The following ZNF532 variants were observed in gnomAD, a reference collection of about 807,000 sequenced individuals.
The protein encoded by ZNF532 is zinc finger protein 532.
Under a neutral mutation model 89.3 loss-of-function variants are expected in ZNF532, and 22 were observed. That is an observed-to-expected ratio of 0.25 (90% CI 0.18 to 0.35). The LOEUF is 0.35. Ranked by LOEUF, ZNF532 falls within the 10% of genes least tolerant of loss-of-function variation. The pLI is 1.00. For missense variants in ZNF532, 1,132 were observed against 1,643.4 expected (o/e 0.69, Z 5.38); for synonymous variants, 606 against 649.6 (o/e 0.93, Z 1.02).
chr18:58,971,439 C>T (rs749137964), intron 7 of ZNF532, among the ~76,000 whole-genome samples: 10 of 152,180 alleles, frequency 6.6e-5, no homozygotes, highest in Non-Finnish European at 1.5e-4. Context: ...GTTTCATGGG[C>T]CTGCCACCTG....
rs764368512 is a variant in ZNF532, at chr18:58,939,485, C to G, written c.2569C>G (p.Leu857Val). 6.2e-6 allele frequency: 10 copies of G among 1,614,010 alleles called. No individual in the cohort carries two copies. The East Asian group carries it at 2.2e-4, about 36-fold the overall frequency. The change falls in exon 5 of 10, where the codon CTG (leucine) becomes GTG (valine). Residue 857 changes from leucine (L) to valine (V), a missense_variant. Physicochemically the swap from Leu to Val is conservative, Grantham distance 32. This residue lies in a region of ZNF532 where 415 missense variants were observed against 604.8 expected (regional missense o/e 0.69). Transcript: ENST00000591808. Reference protein sequence around the residue: ...CNVVYSDVAALKSHIQGSHCE... With the variant: ...CNVVYSDVAAVKSHIQGSHCE... The stretch of plus-strand genomic sequence containing the variant: ...TGTTGTGTACTCTGATGTGGCTGCT[C>G]TGAAGTCTCACATTCAAGGTTCTCA...
Position 58,981,671 on chromosome 18 carries a change from CCATT to C in ZNF532, c.3411+59_3411+62del, listed in dbSNP as rs1260526041. ...GTGAAATTGTGTTGACTTGCTTTTCCCATTCATTTTTTTCCTTTCAAGTTTTTGT... is the reference window on the plus strand; with the variant it reads ...GTGAAATTGTGTTGACTTGCTTTTCCCATTTTTTTCCTTTCAAGTTTTTGT... On this transcript the variant is annotated intron_variant, in intron 9 of 9. Transcript: ENST00000591808. The C allele has an allele frequency of 3.1e-6, 5 of 1,601,458 alleles. No individual in the cohort carries two copies. The African/African-American group carries it at 5.4e-5, about 17-fold the overall frequency.
intron 2 of ZNF532, among the ~76,000 whole-genome samples, chr18:58,888,813 AATT>A (rs1296164470): frequency 4.0e-3 from 81 of 20,294 alleles, no homozygotes; most frequent in South Asian, 0.011. Context: ...ATATATAAAA[AATT>A]ATATATATAA....
intron 2 of ZNF532, among the ~76,000 whole-genome samples, chr18:58,866,632 T>G (rs938731292): frequency 1.1e-4 from 17 of 152,228 alleles, no homozygotes; most frequent in African/African-American, 4.1e-4. Flanking sequence ...CCTCTCCGTG[T>G]TCAGCAGAAT....
At chr18:58,921,934 C>A (rs956169298) in intron 3 of ZNF532, among the ~76,000 whole-genome samples, 20 of 152,056 alleles carry the variant, frequency 1.3e-4, no homozygotes, top group Admixed American at 9.8e-4. Flanking sequence ...GGTGAAACCT[C>A]ATCTCTAACA....
At chr18:58,967,417 C>T (rs1205752149) in intron 7 of ZNF532, among the ~76,000 whole-genome samples, 1 of 152,180 alleles carries the variant, frequency 6.6e-6, no homozygotes, top group African/African-American at 2.4e-5. Context: ...AGTTTCCTGA[C>T]ATGTGCCACA....
In ZNF532 at chr18:58,869,889, C is replaced by G. The variant is rs2056832218; in HGVS notation, c.-18+4310C>G. Among the ~76,000 whole-genome samples the G allele has an allele frequency of 2.0e-5, 3 of 151,052 alleles. No individual in the cohort carries two copies. In the South Asian group the frequency reaches 6.3e-4, roughly 32 times the overall value. ...TCAAGCGATTCTCCTGCCTCAGCCT[C>G]CTGAGTAGCTGGGATTACAGGTGCG... On this transcript the variant is annotated intron_variant, in intron 2 of 9. Transcript: ENST00000591808.
chr18:58,899,233 T>C (rs1248009180), intron 2 of ZNF532, among the ~76,000 whole-genome samples: 1 of 152,208 alleles, frequency 6.6e-6, no homozygotes, highest in Non-Finnish European at 1.5e-5. Context: ...TAGAGAGTTG[T>C]CAGACTTAGC....
chr18:58,941,791 T>C (rs1400539600), intron 5 of ZNF532, among the ~76,000 whole-genome samples: 1 of 151,892 alleles, frequency 6.6e-6, no homozygotes, highest in Non-Finnish European at 1.5e-5. Flanking sequence ...TTCTTCTTTT[T>C]TTCTTTTCTC....
chr18:58,946,040 T>G (rs1315602309), intron 5 of ZNF532, among the ~76,000 whole-genome samples: 1 of 152,140 alleles, frequency 6.6e-6, no homozygotes, highest in Non-Finnish European at 1.5e-5. Context: ...AGTCTATCCT[T>G]TTTAAAACAA....
At chr18:58,964,170 A>C (rs1030650090) in intron 7 of ZNF532, 1 of 152,196 alleles carries the variant, frequency 6.6e-6, no homozygotes, top group Non-Finnish European at 1.5e-5. Context: ...TAGGGATATA[A>C]TAGATTTTTA....
chr18:58,907,966 TG>T, intron 2 of ZNF532, among the ~76,000 whole-genome samples: 1 of 152,344 alleles, frequency 6.6e-6, no homozygotes, highest in East Asian at 1.9e-4. Flanking sequence ...AATGTGATAC[TG>T]GCCAAATAGG....
intron 5 of ZNF532, among the ~76,000 whole-genome samples, chr18:58,941,850 C>G (rs1236434039): frequency 6.8e-6 from 1 of 147,100 alleles, no homozygotes; most frequent in East Asian, 2.0e-4. Context: ...CCTCACCTCC[C>G]TTCCTCTTTC....
rs1166570773 is a variant in ZNF532 at position 58,920,041 on chromosome 18, A to T, written c.1754A>T (p.Asn585Ile). 1 of 1,613,898 alleles carries T rather than the reference A, an allele frequency of 6.2e-7. No individual in the cohort carries two copies. Among genetic ancestry groups the T allele is most frequent in the Non-Finnish European group, 8.5e-7 (1 of 1,179,848 alleles). Residue 585 changes from asparagine to isoleucine, a missense_variant, in exon 3 of 10, where the codon AAC (asparagine) becomes ATC (isoleucine). Transcript: ENST00000591808. The stretch of plus-strand genomic sequence containing the variant: ...CAGAGTTCTGTGGTGGAAGCTTTCA[A>T]CAAGGTGCTGAGCAGTGTCAATCCA... Reference protein sequence around the residue: ...SLQSSVVEAFNKVLSSVNPVP... With the variant: ...SLQSSVVEAFIKVLSSVNPVP...
At chr18:58,964,272 C>A (rs982674248) in intron 7 of ZNF532, 2 of 152,136 alleles carry the variant, frequency 1.3e-5, no homozygotes, top group South Asian at 2.1e-4. Flanking sequence ...TTTTAAAAAA[C>A]CAGTTTCTCC....
intron 2 of ZNF532, among the ~76,000 whole-genome samples, chr18:58,915,242 G>A (rs1280607434): frequency 6.6e-6 from 1 of 152,184 alleles, no homozygotes; most frequent in Non-Finnish European, 1.5e-5. Flanking sequence ...GCTTTCGGTT[G>A]GCCACTGCAC....
At chr18:58,931,483 A>G (rs1202811203) in intron 3 of ZNF532, among the ~76,000 whole-genome samples, 1 of 152,198 alleles carries the variant, frequency 6.6e-6, no homozygotes, top group African/African-American at 2.4e-5. Flanking sequence ...CACCACTATC[A>G]TGGGAAACAG....
intron 2 of ZNF532, among the ~76,000 whole-genome samples, chr18:58,882,319 T>C (rs1338753326): frequency 4.6e-5 from 7 of 152,290 alleles, no homozygotes. Context: ...TGCAGAGGTG[T>C]GTCTGGAGAG....
chr18:58,967,464 C>T (rs2066030763), intron 7 of ZNF532, among the ~76,000 whole-genome samples: 2 of 152,284 alleles, frequency 1.3e-5, no homozygotes, highest in South Asian at 4.2e-4. Context: ...TTCCTTTTGC[C>T]TGGACATACC....
Sources: gnomAD v4.1 joint callset for allele counts (sites outside exome capture counted in the v4.1 genomes callset) on GRCh38, gnomAD v4.1.1 for gene constraint, gnomAD v4.1.1 regional missense constraint, MANE v1.5 for transcripts, NCBI Gene and HGNC (gene_info 2026-07-23, HGNC 2026-07-21) for gene names.